Variants in RANBP2 observed in about 807,000 individuals in gnomAD.
The protein encoded by RANBP2 is RAN binding protein 2.
RANBP2 carries 57 observed loss-of-function variants against 303.6 expected under a neutral mutation model. The ratio of observed to expected loss-of-function variants is 0.19; its 90% CI spans 0.15 to 0.23. RANBP2 has a LOEUF of 0.23. RANBP2 is among the 10% of genes least tolerant of loss of function. RANBP2 has a pLI of 1.00. For missense variants in RANBP2, 3,138 were observed against 3,780.8 expected (o/e 0.83, Z 4.46); for synonymous variants, 1,167 against 1,301.5 (o/e 0.90, Z 2.23).
At chr2:108,959,665 T>C in the RANBP2 span, among the ~76,000 whole-genome samples, 1 of 152,156 alleles carries the variant, frequency 6.6e-6, no homozygotes, top group Non-Finnish European at 1.5e-5. Flanking sequence ...GACTCAGCTC[T>C]GGATGCCCGG....
the RANBP2 span, among the ~76,000 whole-genome samples, chr2:109,181,304 C>T: frequency 3.9e-5 from 6 of 152,316 alleles, no homozygotes; most frequent in African/African-American, 1.2e-4. Context: ...TACCATGGTA[C>T]ATTTGTCAAA....
chr2:109,283,148 C>G, the RANBP2 span, among the ~76,000 whole-genome samples: 1 of 152,198 alleles, frequency 6.6e-6, no homozygotes, highest in African/African-American at 2.4e-5. Flanking sequence ...GCCCAGGGTA[C>G]AGCCCAGAAA....
chr2:109,554,076 T>C, the RANBP2 span, among the ~76,000 whole-genome samples: 4 of 152,148 alleles, frequency 2.6e-5, no homozygotes, highest in Non-Finnish European at 2.9e-5. Flanking sequence ...ACCCTTCTAA[T>C]ATTAAACACT....
the RANBP2 span, among the ~76,000 whole-genome samples, chr2:109,198,155 A>G: frequency 6.6e-6 from 1 of 152,170 alleles, no homozygotes; most frequent in Non-Finnish European, 1.5e-5. Flanking sequence ...AGTCCTGCCC[A>G]GTGCAGGGAT....
At chr2:108,755,751 TCTCA>T (rs1481331859) in intron 17 of RANBP2, among the ~76,000 whole-genome samples, 2 of 151,808 alleles carry the variant, frequency 1.3e-5, no homozygotes, top group Non-Finnish European at 2.9e-5. Context: ...TGAGATGGAG[TCTCA>T]CTCTGTTGCC....
At chr2:109,193,882 T>C in the RANBP2 span, among the ~76,000 whole-genome samples, 5,309 of 152,282 alleles carry the variant, frequency 0.035, 308 homozygotes, top group African/African-American at 0.12. Flanking sequence ...AATCTCCGTT[T>C]ACAGGGTTTG....
the RANBP2 span, chr2:109,545,344 A>G: frequency 3.3e-6 from 5 of 1,496,778 alleles, no homozygotes; most frequent in East Asian, 1.2e-4. Context: ...GGAAAAATAA[A>G]CTTATTTTCT....
chr2:109,241,328 C>A, the RANBP2 span, among the ~76,000 whole-genome samples: 1 of 152,182 alleles, frequency 6.6e-6, no homozygotes, highest in Non-Finnish European at 1.5e-5. Context: ...GATATTGGAG[C>A]ATTTGAAGTG....
the RANBP2 span, among the ~76,000 whole-genome samples, chr2:109,522,283 TA>T: frequency 8.7e-5 from 13 of 149,426 alleles, no homozygotes; most frequent in Admixed American, 5.3e-4. Context: ...TTCTTTTTTT[TA>T]AAAAAAAACC....
chr2:108,853,641 C>T, the RANBP2 span, among the ~76,000 whole-genome samples: 3,291 of 150,078 alleles, frequency 0.022, 118 homozygotes, highest in South Asian at 0.086. Flanking sequence ...GTCCTCTTGC[C>T]TCAGGCTTCC....
At chr2:109,097,258 C>T in the RANBP2 span, among the ~76,000 whole-genome samples, 3 of 152,114 alleles carry the variant, frequency 2.0e-5, no homozygotes, top group Non-Finnish European at 2.9e-5. Context: ...GAGGTGAGAT[C>T]GCGCCACTGC....
At chr2:109,023,477 A>G in the RANBP2 span, among the ~76,000 whole-genome samples, 2 of 152,326 alleles carry the variant, frequency 1.3e-5, no homozygotes, top group African/African-American at 2.4e-5. Flanking sequence ...GTCAGCCCTA[A>G]CTGTCATGTT....
chr2:108,986,885 T>C, the RANBP2 span, among the ~76,000 whole-genome samples: 1 of 152,346 alleles, frequency 6.6e-6, no homozygotes, highest in East Asian at 1.9e-4. Context: ...GGGGCTTTTG[T>C]CCCCTAATTG....
At chr2:109,299,974 A>G in the RANBP2 span, among the ~76,000 whole-genome samples, 2 of 152,130 alleles carry the variant, frequency 1.3e-5, no homozygotes, top group Non-Finnish European at 2.9e-5. Context: ...GATTTGTTCT[A>G]TTTATTTATT....
the RANBP2 span, among the ~76,000 whole-genome samples, chr2:109,302,942 T>A: frequency 6.6e-6 from 1 of 152,142 alleles, no homozygotes; most frequent in African/African-American, 2.4e-5. Context: ...AGTGGCATGA[T>A]CTTAGCTCAC....
chr2:109,080,454 A>G, the RANBP2 span, among the ~76,000 whole-genome samples: 1 of 152,154 alleles, frequency 6.6e-6, no homozygotes, highest in Non-Finnish European at 1.5e-5. Context: ...GAGACCAAGA[A>G]GTGGGGAGCA....
At chr2:108,887,879 C>T in the RANBP2 span, among the ~76,000 whole-genome samples, 17 of 152,238 alleles carry the variant, frequency 1.1e-4, no homozygotes, top group African/African-American at 4.1e-4. Context: ...TGCCTGAGTG[C>T]TCTAGCTAGG....
chr2:109,516,371 G>A, the RANBP2 span, among the ~76,000 whole-genome samples: 1 of 152,226 alleles, frequency 6.6e-6, no homozygotes, highest in Admixed American at 6.5e-5. Context: ...GACATGTTCT[G>A]AGGCTTAAGG....
the RANBP2 span, among the ~76,000 whole-genome samples, chr2:109,380,026 T>A: frequency 2.6e-5 from 4 of 152,140 alleles, no homozygotes; most frequent in Non-Finnish European, 5.9e-5. Flanking sequence ...TAAATGAGTG[T>A]AAAGAAATGA....
Sources: gnomAD v4.1 joint callset for allele counts (sites outside exome capture counted in the v4.1 genomes callset) on GRCh38, gnomAD v4.1.1 for gene constraint, MANE v1.5 for transcripts, NCBI Gene and HGNC (gene_info 2026-07-23, HGNC 2026-07-21) for gene names.